The following CRISPLD2 variants were observed in gnomAD, a reference collection of about 807,000 sequenced individuals.
CRISPLD2 encodes the protein cysteine-rich secretory protein LCCL domain-containing 2.
A neutral mutation model predicts 71.1 loss-of-function variants in CRISPLD2; 47 were observed. The observed-to-expected ratio is 0.66, with a 90% CI of 0.52 to 0.84. The LOEUF (loss-of-function observed/expected upper bound fraction) is 0.84, where lower values mean the gene tolerates loss of function less well. CRISPLD2 is among the 40% of genes least tolerant of loss of function. The pLI is 0.00. For synonymous variants in CRISPLD2, 317 were observed against 250.1 expected (o/e 1.27, Z -2.52); for missense variants, 830 against 651.1 (o/e 1.27, Z -2.99).
chr16:84,887,141 G>A (rs941276753), intron 13 of CRISPLD2, among the ~76,000 whole-genome samples: 4 of 152,152 alleles, frequency 2.6e-5, no homozygotes, highest in South Asian at 2.1e-4. Context: ...TCTTCTCCCC[G>A]ATGACCCCTG....
intron 5 of CRISPLD2, among the ~76,000 whole-genome samples, chr16:84,853,565 T>C (rs1917148463): frequency 6.6e-6 from 1 of 152,172 alleles, no homozygotes; most frequent in African/African-American, 2.4e-5. Context: ...CCAGGGTGCT[T>C]CTGGGGCCGC....
intron 13 of CRISPLD2, among the ~76,000 whole-genome samples, chr16:84,881,848 A>G (rs1181761533): frequency 6.6e-6 from 1 of 152,036 alleles, no homozygotes; most frequent in African/African-American, 2.4e-5. Context: ...CCCCGCCATC[A>G]TCTTTGCCTC....
chr16:84,895,077 C>G (rs1404227439), intron 14 of CRISPLD2, among the ~76,000 whole-genome samples: 1 of 151,950 alleles, frequency 6.6e-6, no homozygotes, highest in Non-Finnish European at 1.5e-5. Context: ...CCCTCCTCCA[C>G]TCGTATTCCA....
chr16:84,884,314 G>A (rs537315194), intron 13 of CRISPLD2, among the ~76,000 whole-genome samples: 45 of 144,662 alleles, frequency 3.1e-4, no homozygotes, highest in Middle Eastern at 7.3e-3. Flanking sequence ...AGTGTTCAAA[G>A]CGATTGATAA....
Position 84,849,447 on chromosome 16 carries a change from C to G in CRISPLD2, c.422C>G (p.Pro141Arg). The G allele has an allele frequency of 6.2e-7, 1 of 1,614,170 alleles. No individual in the cohort carries two copies. The highest frequency in any genetic ancestry group is 8.5e-7 in the Non-Finnish European group (1 of 1,180,008). Residue 141 changes from proline (P) to arginine (R), a missense_variant, in exon 4 of 15, where the codon CCC becomes CGC. Coordinates refer to ENST00000262424, the MANE Select transcript of CRISPLD2 (RefSeq NM_031476.4). ...WYDEVKDYTY[P>R]YPSECNPWCP... The stretch of plus-strand genomic sequence containing the variant: ...GACGAGGTGAAGGACTACACCTACC[C>G]CTACCCGAGCGAGTGCAACCCCTGG...
At chr16:84,891,362 A>G (rs1210917294) in intron 14 of CRISPLD2, among the ~76,000 whole-genome samples, 2 of 152,206 alleles carry the variant, frequency 1.3e-5, no homozygotes, top group Non-Finnish European at 2.9e-5. Context: ...AAGATGCCAC[A>G]GCATCACTTG....
Position 84,889,278 on chromosome 16 carries a change from G to A in CRISPLD2, c.1354G>A (p.Glu452Lys), listed in dbSNP as rs766380513. The change falls in exon 14 of 15, where the codon GAG becomes AAG. Residue 452 changes from glutamate to lysine, a missense_variant. Physicochemically the swap from Glu to Lys is moderately conservative, Grantham distance 56. Transcript: ENST00000262424. The stretch of plus-strand genomic sequence containing the variant: ...CGTGCACGCGGGAGTCATCAGCAAC[G>A]AGAGTGGGGGTGACGTGGACGTGAT... Reference protein sequence around the residue: ...TAVHAGVISNESGGDVDVMPV... With the variant: ...TAVHAGVISNKSGGDVDVMPV... 5 of 1,614,032 alleles carry A rather than the reference G, an allele frequency of 3.1e-6. No homozygotes were observed. Among genetic ancestry groups the A allele is most frequent in the African/African-American group, 1.3e-5 (1 of 74,920 alleles).
At chr16:84,844,827 C>T (rs935526200) in intron 2 of CRISPLD2, among the ~76,000 whole-genome samples, 1 of 152,154 alleles carries the variant, frequency 6.6e-6, no homozygotes, top group Non-Finnish European at 1.5e-5. Flanking sequence ...GTGGATAAAG[C>T]CTCCCTGACT....
chr16:84,833,585 C>T (rs758421770), intron 1 of CRISPLD2, among the ~76,000 whole-genome samples: 14 of 152,100 alleles, frequency 9.2e-5, no homozygotes, highest in Non-Finnish European at 1.9e-4. Flanking sequence ...GAAGTGCACT[C>T]GGGGCAGCCA....
chr16:84,872,585 A>T, intron 9 of CRISPLD2, 77 bp downstream of exon 9: 1 of 1,271,376 alleles, frequency 7.9e-7, no homozygotes, highest in Non-Finnish European at 1.1e-6. Context: ...GGTTGGCTTT[A>T]GTAGGAAAAG....
intron 14 of CRISPLD2, among the ~76,000 whole-genome samples, chr16:84,890,964 G>A (rs2071656935): frequency 1.3e-5 from 2 of 152,040 alleles, no homozygotes; most frequent in South Asian, 2.1e-4. Flanking sequence ...ATTGGATCTC[G>A]CCCTGTTGGC....
chr16:84,859,987 A>G (rs1261737851), intron 6 of CRISPLD2, among the ~76,000 whole-genome samples: 1 of 152,230 alleles, frequency 6.6e-6, no homozygotes, highest in Non-Finnish European at 1.5e-5. Context: ...TCTATTTCAC[A>G]AAGCATTAGT....
chr16:84,891,057 G>T (rs948702154), intron 14 of CRISPLD2, among the ~76,000 whole-genome samples: 1 of 152,158 alleles, frequency 6.6e-6, no homozygotes, highest in Admixed American at 6.5e-5. Flanking sequence ...GTGAGCCACC[G>T]CACTCGGCCG....
intron 13 of CRISPLD2, among the ~76,000 whole-genome samples, chr16:84,885,345 G>A (rs2071603289): frequency 6.6e-6 from 1 of 152,262 alleles, no homozygotes; most frequent in Non-Finnish European, 1.5e-5. Flanking sequence ...TGGATGCAAA[G>A]TTATTGCTCC....
intron 11 of CRISPLD2, among the ~76,000 whole-genome samples, chr16:84,875,058 C>G (rs143633542): frequency 0.049 from 7,479 of 152,072 alleles, 633 homozygotes; most frequent in African/African-American, 0.17. Context: ...CCTGGCAACA[C>G]AGCAAGACCC....
chr16:84,902,089 G>A (rs1293083819), intron 14 of CRISPLD2, among the ~76,000 whole-genome samples: 4 of 151,962 alleles, frequency 2.6e-5, no homozygotes, highest in East Asian at 1.9e-4. Flanking sequence ...GTGAGCCACC[G>A]CGCCTGGCCC....
intron 2 of CRISPLD2, among the ~76,000 whole-genome samples, chr16:84,842,535 G>T (rs567221683): frequency 6.6e-6 from 1 of 151,748 alleles, no homozygotes; most frequent in Non-Finnish European, 1.5e-5. Flanking sequence ...CAGCACACCC[G>T]GCTAATTTTT....
chr16:84,894,355 T>A (rs2071687692), intron 14 of CRISPLD2, among the ~76,000 whole-genome samples: 1 of 152,176 alleles, frequency 6.6e-6, no homozygotes, highest in South Asian at 2.1e-4. Context: ...TGCAAGAGAT[T>A]GGGAAATATA....
At chr16:84,903,662 G>A (rs183907306) in intron 14 of CRISPLD2, among the ~76,000 whole-genome samples, 1 of 152,104 alleles carries the variant, frequency 6.6e-6, no homozygotes, top group African/African-American at 2.4e-5. Flanking sequence ...AAACGTTAGT[G>A]TAGGGATGGA....
Sources: gnomAD v4.1 joint callset for allele counts (sites outside exome capture counted in the v4.1 genomes callset) on GRCh38, gnomAD v4.1.1 for gene constraint, MANE v1.5 for transcripts, NCBI Gene and HGNC (gene_info 2026-07-23, HGNC 2026-07-21) for gene names.